Variants in RBFOX1 observed in about 807,000 individuals in gnomAD.
RBFOX1 encodes the protein RNA binding fox-1 homolog 1, also known as RNA binding protein fox-1 homolog 1.
A neutral mutation model predicts 57.7 loss-of-function variants in RBFOX1; 8 were observed. That is an observed-to-expected ratio of 0.14 (90% CI 0.08 to 0.25). The LOEUF is 0.25. RBFOX1 is among the 10% of genes least tolerant of loss of function. RBFOX1 has a pLI of 1.00. For missense variants in RBFOX1, 611 were observed against 548.5 expected (o/e 1.11, Z -1.14); for synonymous variants, 326 against 222.4 (o/e 1.47, Z -4.15).
In RBFOX1 at chr16:5,665,134, G is replaced by C. The variant is rs776034111; in HGVS notation, c.318+66173G>C. Among the ~76,000 whole-genome samples the C allele has an allele frequency of 1.3e-3, 185 of 141,200 alleles. 11 individuals are homozygous for C. The highest frequency in any genetic ancestry group is 4.4e-3 in the African/African-American group (173 of 39,174). 92.6% of individuals were successfully genotyped at this position (141,200 alleles called of 152,430 possible). On this transcript the variant is annotated intron_variant, in intron 3 of 19. Transcript: ENST00000641259. ...CTAACTTTTTGATATTTTTACATGG[G>C]GGGGGGCGGTCTTGCTATATTGCCC...
intron 5 of RBFOX1, chr16:7,519,745 G>A: frequency 1.0e-6 from 1 of 981,016 alleles, no homozygotes; most frequent in Non-Finnish European, 1.2e-6. Flanking sequence ...CCTGTCCCAA[G>A]ACCTCAGGAA....
intron 3 of RBFOX1, among the ~76,000 whole-genome samples, chr16:5,705,950 G>A (rs2051231431): frequency 6.6e-6 from 1 of 151,982 alleles, no homozygotes; most frequent in African/African-American, 2.4e-5. Flanking sequence ...TTGCTCTGTT[G>A]CCCACGATGG....
chr16:7,127,804 T>C (rs750602946), intron 4 of RBFOX1, among the ~76,000 whole-genome samples: 3 of 152,240 alleles, frequency 2.0e-5, no homozygotes, highest in African/African-American at 7.2e-5. Flanking sequence ...CTTGGTAGGA[T>C]GACCTGACTG....
chr16:7,306,271 G>C (rs1420492184), intron 4 of RBFOX1, among the ~76,000 whole-genome samples: 1 of 152,120 alleles, frequency 6.6e-6, no homozygotes. Flanking sequence ...TTGAGTGAGA[G>C]GTTATTCTTG....
intron 3 of RBFOX1, among the ~76,000 whole-genome samples, chr16:6,924,203 G>GATT (rs2075089354): frequency 6.9e-6 from 1 of 144,926 alleles, no homozygotes; most frequent in African/African-American, 2.5e-5. Context: ...TAGCAATAAT[G>GATT]CCACCTGAAA....
At chr16:6,098,325 C>T (rs116058898) in intron 1 of RBFOX1, among the ~76,000 whole-genome samples, 130 of 152,324 alleles carry the variant, frequency 8.5e-4, no homozygotes, top group African/African-American at 3.1e-3. Context: ...AACGCCACCG[C>T]CTGCCACAAA....
At chr16:7,190,153 G>T (rs1001868910) in intron 4 of RBFOX1, among the ~76,000 whole-genome samples, 2 of 152,134 alleles carry the variant, frequency 1.3e-5, no homozygotes, top group Admixed American at 6.5e-5. Flanking sequence ...TCTAGGTCAG[G>T]AGTTCGAGAC....
rs72636231 is a variant in RBFOX1, at chr16:7,702,555, C to G, written c.996-6501C>G. On this transcript the variant is annotated intron_variant, in intron 14 of 15. Transcript: ENST00000550418. ...TGATTGACAACGGATTCATTTATTT[C>G]TAGTTGGATGAGAGAAGGAAGTAAA... Among the ~76,000 whole-genome samples, 1,954 of 152,262 alleles carry G rather than the reference C, an allele frequency of 0.013. 142 individuals carry two copies. In the East Asian group the frequency reaches 0.22, roughly 17 times the overall value.
At chr16:7,127,059 G>C (rs1197099555) in intron 4 of RBFOX1, among the ~76,000 whole-genome samples, 1 of 151,642 alleles carries the variant, frequency 6.6e-6, no homozygotes, top group Admixed American at 6.6e-5. Context: ...AAATCTGGTT[G>C]GTCCTTCCTA....
chr16:5,776,170 T>C (rs1192998295), intron 3 of RBFOX1, among the ~76,000 whole-genome samples: 1 of 152,292 alleles, frequency 6.6e-6, no homozygotes, highest in Non-Finnish European at 1.5e-5. Flanking sequence ...TGGTTTCGTT[T>C]CACTGTGTGA....
intron 9 of RBFOX1, among the ~76,000 whole-genome samples, chr16:7,598,413 A>G (rs62011698): frequency 0.53 from 80,220 of 152,092 alleles, 25,229 homozygotes; most frequent in Non-Finnish European, 0.69. Context: ...CATAAAAATA[A>G]TATAACTTTA....
At chr16:6,931,331 A>G (rs1177529033) in intron 3 of RBFOX1, among the ~76,000 whole-genome samples, 6 of 85,604 alleles carry the variant, frequency 7.0e-5, no homozygotes, top group African/African-American at 2.5e-4. Context: ...CTATCTATCT[A>G]TCTATCTCTA....
At chr16:6,072,253 C>G (rs570492135) in intron 1 of RBFOX1, among the ~76,000 whole-genome samples, 2 of 152,170 alleles carry the variant, frequency 1.3e-5, no homozygotes, top group Admixed American at 6.5e-5. Context: ...CAATTACCTC[C>G]CACTGCGTCC....
chr16:5,664,263 T>C (rs1028715476), intron 3 of RBFOX1, among the ~76,000 whole-genome samples: 3 of 152,184 alleles, frequency 2.0e-5, no homozygotes, highest in Admixed American at 2.0e-4. Context: ...TAAAAGTGGA[T>C]TCCTGGCCGG....
chr16:6,754,520 C>T (rs1468776489), intron 3 of RBFOX1, among the ~76,000 whole-genome samples: 2 of 152,064 alleles, frequency 1.3e-5, no homozygotes, highest in African/African-American at 4.8e-5. Context: ...CTTCGGGTTC[C>T]CACTGCTCCC....
intron 1 of RBFOX1, among the ~76,000 whole-genome samples, chr16:6,196,892 C>T (rs2097183411): frequency 6.6e-6 from 1 of 151,808 alleles, no homozygotes; most frequent in African/African-American, 2.4e-5. Context: ...TCATCTCTGT[C>T]CGCTGCCTAC....
intron 1 of RBFOX1, among the ~76,000 whole-genome samples, chr16:5,339,265 T>C (rs2064975022): frequency 1.3e-5 from 2 of 151,976 alleles, no homozygotes; most frequent in South Asian, 2.1e-4. Context: ...TTCCCTGAGG[T>C]CTGTCTGCCC....
chr16:6,349,735 C>G (rs1567991113), intron 2 of RBFOX1, among the ~76,000 whole-genome samples: 1 of 152,180 alleles, frequency 6.6e-6, no homozygotes, highest in Non-Finnish European at 1.5e-5. Flanking sequence ...AAAAGAGTAA[C>G]ATTAAGTGCT....
At chr16:6,057,517 T>C (rs766934776) in intron 1 of RBFOX1, among the ~76,000 whole-genome samples, 1 of 151,968 alleles carries the variant, frequency 6.6e-6, no homozygotes, top group Non-Finnish European at 1.5e-5. Flanking sequence ...GGGAATACAA[T>C]GTTGAAACAC....
Sources: gnomAD v4.1 joint callset for allele counts (sites outside exome capture counted in the v4.1 genomes callset) on GRCh38, gnomAD v4.1.1 for gene constraint, MANE v1.5 for transcripts, NCBI Gene and HGNC (gene_info 2026-07-23, HGNC 2026-07-21) for gene names.